KSR2: variants seen among roughly 807,000 people sequenced by gnomAD.
KSR2 encodes kinase suppressor of ras 2.
Under a neutral mutation model 107.8 loss-of-function variants are expected in KSR2, and 25 were observed. That is an observed-to-expected ratio of 0.23 (90% CI 0.17 to 0.32). The LOEUF is 0.32. Among genes scored for constraint, KSR2 ranks in the 10% least tolerant of loss-of-function variants. The probability of loss-of-function intolerance (pLI) is 1.00; values close to 1 mark genes in which losing one functional copy is unlikely to be tolerated. For missense variants in KSR2, 887 were observed against 1,268.9 expected (o/e 0.70, Z 4.57); for synonymous variants, 480 against 507.0 (o/e 0.95, Z 0.71).
rs1322953551 is a variant in KSR2, at chr12:117,907,478, C to A, written c.181-47047G>T. On this transcript the variant is annotated intron_variant, in intron 1 of 19. Transcript: ENST00000339824. This position sits in a 1 kb window ranked among gnomAD's most constrained non-coding sequence, Gnocchi z 4.3. ...AGGTGAAGGCACAACAGCTGCACCC[C>A]TCTCCCAACACCATCCGCTAACTAA... is the stretch of plus-strand genomic sequence containing the variant. 6.6e-6 allele frequency among the ~76,000 whole-genome samples: 1 copy of A among 152,206 alleles called. No homozygotes were observed. Among genetic ancestry groups the A allele is most frequent in the African/African-American group, 2.4e-5 (1 of 41,446 alleles).
At chr12:117,580,745 A>T (rs373317211) in intron 6 of KSR2, among the ~76,000 whole-genome samples, 1 of 152,198 alleles carries the variant, frequency 6.6e-6, no homozygotes, top group East Asian at 1.9e-4. Flanking sequence ...TCAGCTTTTG[A>T]ATCTTAGGGA....
intron 14 of KSR2, among the ~76,000 whole-genome samples, chr12:117,493,596 T>C (rs548909432): frequency 6.6e-6 from 1 of 152,266 alleles, no homozygotes; most frequent in East Asian, 1.9e-4. Context: ...GACTCCACCT[T>C]TGCAACACCT....
At chr12:117,483,108 G>A (rs1231618650) in intron 16 of KSR2, among the ~76,000 whole-genome samples, 1 of 152,150 alleles carries the variant, frequency 6.6e-6, no homozygotes, top group Non-Finnish European at 1.5e-5. Flanking sequence ...CTCTCTTCAA[G>A]TATCTATTAA....
In KSR2 at chr12:117,460,641, T is replaced by G. The variant is rs1258074065; in HGVS notation, c.*6558A>C. 6.6e-6 allele frequency: 1 copy of G among 152,356 alleles called. No homozygotes were observed. The highest frequency in any genetic ancestry group is 2.4e-5 in the African/African-American group (1 of 41,442). The allele number at this position is 152,356 out of a possible 1,614,324, so 9.4% of individuals were successfully genotyped here. A position where few individuals can be genotyped will look rare whatever the true frequency, so the allele number is the denominator to read the frequency against. On this transcript the variant is annotated 3_prime_UTR_variant, in exon 20 of 20. Coordinates refer to ENST00000339824, the MANE Select transcript of KSR2 (RefSeq NM_173598.6). ...CCTCTCTCTCTTTCCTGGTTCCAAGTTGCCAATAAGTCTCAGAGGCTGGGA... is the reference window on the plus strand; with the variant it reads ...CCTCTCTCTCTTTCCTGGTTCCAAGGTGCCAATAAGTCTCAGAGGCTGGGA...
intron 5 of KSR2, among the ~76,000 whole-genome samples, chr12:117,612,132 C>T (rs1407679562): frequency 6.6e-6 from 1 of 152,156 alleles, no homozygotes; most frequent in Non-Finnish European, 1.5e-5. Flanking sequence ...CATCCAGGCG[C>T]AGTGGCTCAC....
At chr12:117,482,838 T>C (rs1017246049) in intron 16 of KSR2, among the ~76,000 whole-genome samples, 1 of 152,238 alleles carries the variant, frequency 6.6e-6, no homozygotes. Flanking sequence ...GAAGAATTTC[T>C]GCTTTTTATA....
At chr12:117,670,437 G>A (rs1251644584) in intron 4 of KSR2, among the ~76,000 whole-genome samples, 1 of 152,200 alleles carries the variant, frequency 6.6e-6, no homozygotes, top group Non-Finnish European at 1.5e-5. Context: ...GGTGGTGCCA[G>A]CCCTGAAACC....
intron 3 of KSR2, among the ~76,000 whole-genome samples, chr12:117,812,792 TA>T (rs575584234): frequency 8.0e-5 from 5 of 62,160 alleles, no homozygotes; most frequent in South Asian, 4.4e-4. Context: ...CTCACATAAA[TA>T]AAAAAAAATC....
intron 14 of KSR2, among the ~76,000 whole-genome samples, chr12:117,518,408 T>G (rs1355238553): frequency 6.6e-6 from 1 of 152,186 alleles, no homozygotes; most frequent in East Asian, 1.9e-4. Flanking sequence ...TGAAATTCAC[T>G]GGTATCGTTC....
intron 1 of KSR2, among the ~76,000 whole-genome samples, chr12:117,927,294 T>C (rs1309808417): frequency 6.6e-6 from 1 of 152,052 alleles, no homozygotes; most frequent in Non-Finnish European, 1.5e-5. Context: ...GAGAATCACT[T>C]GAACCTGGGA....
At chr12:117,476,141 T>C (rs963519241) in intron 17 of KSR2, among the ~76,000 whole-genome samples, 6 of 152,366 alleles carry the variant, frequency 3.9e-5, no homozygotes, top group African/African-American at 9.6e-5. Flanking sequence ...GTAGTAATAA[T>C]GAAGACAACA....
chr12:117,624,605 T>C (rs1014582132), intron 5 of KSR2, among the ~76,000 whole-genome samples: 7 of 152,230 alleles, frequency 4.6e-5, no homozygotes, highest in Non-Finnish European at 8.8e-5. Flanking sequence ...CATGCTGTTT[T>C]GGTTACTGTA....
At chr12:117,967,940 G>T (rs943486725) in intron 1 of KSR2, 136 bp downstream of exon 1, 5 of 741,644 alleles carry the variant, frequency 6.7e-6, no homozygotes, top group Admixed American at 2.7e-5. Context: ...TGCCCACCTT[G>T]CTTGCCCACA....
At chr12:117,568,272 C>T (rs1201208563) in intron 7 of KSR2, among the ~76,000 whole-genome samples, 2 of 152,148 alleles carry the variant, frequency 1.3e-5, no homozygotes, top group African/African-American at 4.8e-5. Context: ...CATCAGAACA[C>T]AAAGATCCAT....
chr12:117,618,252 C>T (rs1031428734), intron 5 of KSR2, among the ~76,000 whole-genome samples: 5 of 152,046 alleles, frequency 3.3e-5, no homozygotes, highest in Admixed American at 6.6e-5. Context: ...TGGTCTATTT[C>T]TAGTTTACCC....
At chr12:117,727,257 C>A (rs531394801) in intron 4 of KSR2, among the ~76,000 whole-genome samples, 2 of 151,542 alleles carry the variant, frequency 1.3e-5, no homozygotes, top group African/African-American at 4.8e-5. Flanking sequence ...CACCTGTAGT[C>A]CCAGATACTC....
At chr12:117,767,784 CAAAA>C (rs35307926) in intron 3 of KSR2, among the ~76,000 whole-genome samples, 2 of 85,772 alleles carry the variant, frequency 2.3e-5, no homozygotes, top group African/African-American at 4.3e-5. Flanking sequence ...GACTCCGTCT[CAAAA>C]AAAAAAAAAA....
At chr12:117,806,341 A>G (rs999939095) in intron 3 of KSR2, among the ~76,000 whole-genome samples, 7 of 152,136 alleles carry the variant, frequency 4.6e-5, no homozygotes, top group Non-Finnish European at 8.8e-5. Context: ...CAGCTCTAGG[A>G]GTGAAGCCCA....
intron 5 of KSR2, among the ~76,000 whole-genome samples, chr12:117,637,830 T>C (rs1245102822): frequency 6.6e-6 from 1 of 152,056 alleles, no homozygotes; most frequent in African/African-American, 2.4e-5. Context: ...CCTAAGTAAC[T>C]GGTAACACCA....
Sources: gnomAD v4.1 joint callset for allele counts (sites outside exome capture counted in the v4.1 genomes callset) on GRCh38, gnomAD v4.1.1 for gene constraint, Gnocchi (gnomAD v3.1) non-coding constraint, MANE v1.5 for transcripts, NCBI Gene and HGNC (gene_info 2026-07-23, HGNC 2026-07-21) for gene names.